CNOT4: variants seen among roughly 807,000 people sequenced by gnomAD.
The protein encoded by CNOT4 is CCR4-NOT transcription complex subunit 4.
CNOT4 carries 8 observed loss-of-function variants against 73.8 expected under a neutral mutation model. The observed-to-expected ratio is 0.11, with a 90% confidence interval of 0.06 to 0.20. The LOEUF (loss-of-function observed/expected upper bound fraction) is 0.20, where lower values mean the gene tolerates loss of function less well. Among genes scored for constraint, CNOT4 ranks in the 10% least tolerant of loss-of-function variants. The probability of loss-of-function intolerance (pLI) is 1.00; values close to 1 mark genes in which losing one functional copy is unlikely to be tolerated. For synonymous variants in CNOT4, 293 were observed against 321.1 expected, an observed-to-expected ratio of 0.91 and a Z score of 0.94; for missense variants, 564 against 883.4, an observed-to-expected ratio of 0.64 and a Z score of 4.58.
At chr7:135,487,096 T>C (rs927309678) in intron 1 of CNOT4, among the ~76,000 whole-genome samples, 2 of 152,092 alleles carry the variant, frequency 1.3e-5, no homozygotes, top group Admixed American at 6.6e-5. Context: ...TTTTCTACCC[T>C]AGATATCTTT....
rs558345133 is a variant in CNOT4 at position 135,366,285 on chromosome 7, T to C, written c.1628-2219A>G. Among the ~76,000 whole-genome samples, 5 of 152,292 alleles carry C rather than the reference T, an allele frequency of 3.3e-5. No homozygotes were observed. The South Asian group carries it at 1.0e-3, about 32-fold the overall frequency. On this transcript the variant is annotated intron_variant, in intron 10 of 11. Coordinates refer to ENST00000541284, the MANE Select transcript of CNOT4 (RefSeq NM_001190850.2). ...TAATTTTGCATTAACAGAATAACAC[T>C]TGCATTTACATAAATCTTATTTGAA...
chr7:135,366,713 T>C (rs144161613), intron 10 of CNOT4, among the ~76,000 whole-genome samples: 3 of 152,340 alleles, frequency 2.0e-5, no homozygotes, highest in African/African-American at 7.2e-5. Flanking sequence ...AGAATGATGC[T>C]TTTAGCTCTT....
At chr7:135,398,669 T>C (rs1046761145) in intron 7 of CNOT4, among the ~76,000 whole-genome samples, 1 of 152,082 alleles carries the variant, frequency 6.6e-6, no homozygotes, top group African/African-American at 2.4e-5. Flanking sequence ...GAACTTACAT[T>C]GTAATTAGAT....
chr7:135,447,202 AC>A lies in CNOT4; in HGVS notation c.-92-8780del, dbSNP rs1204645660. ...ATTGTTTCTGTATTAGACACATTTC[AC>A]AAAGCATGTTATTTACATAAACTAC... On this transcript the variant is annotated intron_variant, in intron 1 of 11. Coordinates refer to ENST00000541284, the MANE Select transcript of CNOT4 (RefSeq NM_001190850.2). Among the ~76,000 whole-genome samples the A allele has an allele frequency of 1.4e-4, 22 of 152,168 alleles. 5 individuals are homozygous for A. Among genetic ancestry groups the A allele is most frequent in the Non-Finnish European group, 2.5e-4 (17 of 68,018 alleles).
intron 1 of CNOT4, among the ~76,000 whole-genome samples, chr7:135,483,180 T>TA (rs776523276): frequency 0.01 from 1,434 of 136,964 alleles, 8 homozygotes; most frequent in South Asian, 0.018. Flanking sequence ...ACAAAAAAAT[T>TA]TAAAAAAAAA....
In CNOT4 at chr7:135,364,199, C is replaced by T. The variant is rs1191204236; in HGVS notation, c.1628-133G>A. On this transcript the variant is annotated intron_variant, in intron 10 of 11. Coordinates refer to ENST00000541284, the MANE Select transcript of CNOT4 (RefSeq NM_001190850.2). This position sits in a 1 kb window ranked among gnomAD's most constrained non-coding sequence, Gnocchi z 4.3. ...TTATTGAGCATTTAAAATGGGTTGT[C>T]CTAGCAAGATAAACTTGGTTAGGAT... The T allele has an allele frequency of 3.0e-5, 22 of 734,252 alleles. No individual in the cohort carries two copies. The East Asian group carries it at 4.8e-4, about 16-fold the overall frequency. The allele number at this position is 734,252 out of a possible 1,614,324, so 45.5% of individuals were successfully genotyped here.
chr7:135,456,857 T>C (rs1248586806), intron 1 of CNOT4, among the ~76,000 whole-genome samples: 2 of 152,012 alleles, frequency 1.3e-5, no homozygotes, highest in East Asian at 3.9e-4. Flanking sequence ...AGGCAATCAC[T>C]GGGGGTCTTG....
At chr7:135,416,270 T>C (rs1797866171) in intron 3 of CNOT4, among the ~76,000 whole-genome samples, 1 of 152,222 alleles carries the variant, frequency 6.6e-6, no homozygotes, top group Admixed American at 6.5e-5. Context: ...CTGCATTTGA[T>C]AGAATCAAAG....
chr7:135,407,263 TCAA>T (rs1797343186), intron 7 of CNOT4, among the ~76,000 whole-genome samples: 1 of 152,234 alleles, frequency 6.6e-6, no homozygotes, highest in African/African-American at 2.4e-5. Flanking sequence ...TTATCCAGTC[TCAA>T]GTATTTCTTT....
At chr7:135,407,768 CGCCTGTCTCA>C (rs1192734194) in intron 7 of CNOT4, among the ~76,000 whole-genome samples, 2 of 152,138 alleles carry the variant, frequency 1.3e-5, no homozygotes, top group Non-Finnish European at 2.9e-5. Context: ...TGAAGTGATC[CGCCTGTCTCA>C]GCCTCATGAA....
intron 3 of CNOT4, among the ~76,000 whole-genome samples, chr7:135,420,864 A>T (rs1371639567): frequency 6.6e-6 from 1 of 152,132 alleles, no homozygotes; most frequent in Non-Finnish European, 1.5e-5. Flanking sequence ...CTGGCTACAG[A>T]AGGTGAGTCA....
chr7:135,430,120 A>C (rs1265147063), intron 2 of CNOT4, among the ~76,000 whole-genome samples: 1 of 152,222 alleles, frequency 6.6e-6, no homozygotes, highest in Non-Finnish European at 1.5e-5. Context: ...TACCAATGAC[A>C]CGCAAACTCT....
chr7:135,495,741 A>G (rs1803514006), intron 1 of CNOT4, among the ~76,000 whole-genome samples: 1 of 142,338 alleles, frequency 7.0e-6, no homozygotes, highest in Admixed American at 7.1e-5. Flanking sequence ...AAAGAAAGAA[A>G]GAAAGAAAGA....
At chr7:135,488,386 T>C (rs991052768) in intron 1 of CNOT4, among the ~76,000 whole-genome samples, 1 of 152,204 alleles carries the variant, frequency 6.6e-6, no homozygotes, top group Non-Finnish European at 1.5e-5. Context: ...CTAAATTCTA[T>C]ATTTTTAGTA....
chr7:135,482,719 G>A (rs1309186971), intron 1 of CNOT4, among the ~76,000 whole-genome samples: 2 of 152,202 alleles, frequency 1.3e-5, no homozygotes, highest in South Asian at 2.1e-4. Flanking sequence ...AGTGGCTAAC[G>A]CCTGTAATCC....
chr7:135,442,455 C>T (rs766553277), intron 1 of CNOT4, among the ~76,000 whole-genome samples: 27 of 151,776 alleles, frequency 1.8e-4, no homozygotes, highest in Admixed American at 6.6e-4. Context: ...AAAAATTAGC[C>T]GAGCGTGTTG....
chr7:135,449,342 G>A (rs190823271), intron 1 of CNOT4, among the ~76,000 whole-genome samples: 23 of 152,174 alleles, frequency 1.5e-4, no homozygotes, highest in African/African-American at 1.9e-4. Context: ...ACTTTATAAC[G>A]AAACTGTACC....
chr7:135,365,202 C>G (rs117631029), intron 10 of CNOT4, among the ~76,000 whole-genome samples: 530 of 152,248 alleles, frequency 3.5e-3, no homozygotes, highest in Middle Eastern at 0.017. Context: ...ACAAGTGAAG[C>G]ATTTAACTCC....
intron 1 of CNOT4, among the ~76,000 whole-genome samples, chr7:135,497,103 A>G (rs989731999): frequency 1.2e-4 from 18 of 151,832 alleles, no homozygotes; most frequent in Admixed American, 3.9e-4. Context: ...CACTGCACCC[A>G]GCTCTTTTTT....
Sources: gnomAD v4.1 joint callset for allele counts (sites outside exome capture counted in the v4.1 genomes callset) on GRCh38, gnomAD v4.1.1 for gene constraint, Gnocchi (gnomAD v3.1) non-coding constraint, MANE v1.5 for transcripts, NCBI Gene and HGNC (gene_info 2026-07-23, HGNC 2026-07-21) for gene names.